RBM33: variants seen among roughly 807,000 people sequenced by gnomAD.
RBM33 encodes RNA-binding protein 33.
Under a neutral mutation model 132.6 loss-of-function variants are expected in RBM33, and 28 were observed. That is an observed-to-expected ratio of 0.21 (90% CI 0.16 to 0.29). The LOEUF (loss-of-function observed/expected upper bound fraction) is 0.29, where lower values mean the gene tolerates loss of function less well. Ranked by LOEUF, RBM33 falls within the 10% of genes least tolerant of loss-of-function variation. The pLI is 1.00. For synonymous variants in RBM33, 634 were observed against 593.0 expected (o/e 1.07, Z -1.01); for missense variants, 1,291 against 1,518.5 (o/e 0.85, Z 2.49).
At chr7:155,701,984 C>T (rs1051185012) in intron 6 of RBM33, among the ~76,000 whole-genome samples, 3 of 152,140 alleles carry the variant, frequency 2.0e-5, no homozygotes, top group East Asian at 3.9e-4. Flanking sequence ...CCGCTCTTGG[C>T]CTAGAAAGTT....
At chr7:155,729,981 G>A (rs185691474) in intron 9 of RBM33, among the ~76,000 whole-genome samples, 5 of 152,264 alleles carry the variant, frequency 3.3e-5, no homozygotes, top group African/African-American at 1.2e-4. Flanking sequence ...CTCTCCCTGT[G>A]CTTTGTGGGC....
intron 9 of RBM33, 50 bp from the exon 10 acceptor site, chr7:155,737,480 C>A: frequency 6.6e-7 from 1 of 1,512,914 alleles, no homozygotes; most frequent in Non-Finnish European, 8.8e-7. Flanking sequence ...AATTACATAC[C>A]ATTTTTCTGT....
chr7:155,780,293 C>G lies in RBM33; in HGVS notation c.*5252C>G, dbSNP rs150832811. ...CGAAGGAGCAAAAAAAGCCACCGCT[C>G]GTTTCTATAATCCAGCTTTGCTTTT... On this transcript the variant is annotated 3_prime_UTR_variant, in exon 18 of 18. Coordinates refer to ENST00000401878, the MANE Select transcript of RBM33 (RefSeq NM_053043.3). 6.6e-6 allele frequency: 1 copy of G among 152,204 alleles called. No individual in the cohort carries two copies. Among genetic ancestry groups the G allele is most frequent in the Non-Finnish European group, 1.5e-5 (1 of 68,052 alleles). The allele number at this position is 152,204 out of a possible 1,614,324, so 9.4% of individuals were successfully genotyped here.
Position 155,769,340 on chromosome 7 carries a change from G to A in RBM33, c.3375+2685G>A, listed in dbSNP as rs955344568. ...TTGCGGGAAAGCACATTAAAGCAGC[G>A]GGAAGAAGGGGAGTGGGCGCACAGC... On this transcript the variant is annotated intron_variant, in intron 16 of 17. Transcript: ENST00000401878. 1.7e-4 allele frequency among the ~76,000 whole-genome samples: 26 copies of A among 152,298 alleles called. 1 individual carries two copies. In the East Asian group the frequency reaches 1.7e-3, roughly 10 times the overall value.
At chr7:155,645,832 G>C (rs1229999037) in intron 1 of RBM33, among the ~76,000 whole-genome samples, 1 of 152,214 alleles carries the variant, frequency 6.6e-6, no homozygotes, top group African/African-American at 2.4e-5. Context: ...GTATTTTTTA[G>C]TAAATGCTAG....
chr7:155,747,379 G>T (rs1392137408), intron 14 of RBM33, among the ~76,000 whole-genome samples: 3 of 152,098 alleles, frequency 2.0e-5, no homozygotes, highest in African/African-American at 7.2e-5. Context: ...GTTGGCCATT[G>T]TTGGGAATTA....
Position 155,671,545 on chromosome 7 carries a change from C to CAT in RBM33, c.123-1317_123-1316dup, listed in dbSNP as rs577263805. Among the ~76,000 whole-genome samples the CAT allele has an allele frequency of 1.4e-3, 216 of 152,210 alleles. 4 individuals carry two copies. The highest frequency in any genetic ancestry group is 5.0e-3 in the African/African-American group (206 of 41,540). ...AGAAACATGCATTTCATTATAACTC[C>CAT]ATATATGCATTCCCGGAGATTATAG... On this transcript the variant is annotated intron_variant, in intron 2 of 17. Transcript: ENST00000401878.
Position 155,711,297 on chromosome 7 carries a change from A to G in RBM33, c.1043A>G (p.Gln348Arg), listed in dbSNP as rs765869077. The change falls in exon 8 of 18, where the codon CAG becomes CGG. Residue 348 changes from glutamine to arginine, a missense_variant. Gln to Arg is a conservative substitution (Grantham distance 43, BLOSUM62 1). Coordinates refer to ENST00000401878, the MANE Select transcript of RBM33 (RefSeq NM_053043.3). Reference protein sequence around the residue: ...PQPLQPLLPVQHPHHPSPPQG... With the variant: ...PQPLQPLLPVRHPHHPSPPQG... Reference sequence around the variant, plus strand: ...CCGCTGCAGCCGCTGCTTCCGGTGCAGCACCCGCACCACCCATCCCCGCCT... The same window carrying G: ...CCGCTGCAGCCGCTGCTTCCGGTGCGGCACCCGCACCACCCATCCCCGCCT... The G allele has an allele frequency of 1.9e-6, 3 of 1,607,634 alleles. No individual in the cohort carries two copies. The highest frequency in any genetic ancestry group is 1.3e-5 in the African/African-American group (1 of 74,662).
At chr7:155,767,734 G>A (rs921581593) in intron 16 of RBM33, among the ~76,000 whole-genome samples, 3 of 152,198 alleles carry the variant, frequency 2.0e-5, no homozygotes, top group Admixed American at 6.5e-5. Flanking sequence ...GCTTCTGTTT[G>A]TGATAGAGCG....
intron 14 of RBM33, among the ~76,000 whole-genome samples, chr7:155,751,604 G>C (rs1801687063): frequency 6.6e-6 from 1 of 152,158 alleles, no homozygotes; most frequent in African/African-American, 2.4e-5. Flanking sequence ...GATTCATCCT[G>C]ATCGGTTTCA....
At chr7:155,737,243 C>CACAT (rs1801154159) in intron 9 of RBM33, among the ~76,000 whole-genome samples, 1 of 129,992 alleles carries the variant, frequency 7.7e-6, no homozygotes, top group South Asian at 2.3e-4. Flanking sequence ...CATCTAGGTG[C>CACAT]GCGTGTGTGT....
chr7:155,679,710 A>G (rs998677791), intron 4 of RBM33, among the ~76,000 whole-genome samples: 1 of 152,190 alleles, frequency 6.6e-6, no homozygotes, highest in Non-Finnish European at 1.5e-5. Context: ...TCCCAATTCC[A>G]TTCTTTGACA....
intron 1 of RBM33, among the ~76,000 whole-genome samples, chr7:155,658,491 G>A (rs528816018): frequency 7.5e-4 from 112 of 148,456 alleles, no homozygotes; most frequent in East Asian, 3.0e-3. Context: ...TGCAACCTCC[G>A]CGGGGTTCAA....
Position 155,738,077 on chromosome 7 carries a change from T to A in RBM33, c.1411T>A (p.Phe471Ile), listed in dbSNP as rs1473643380. The stretch of plus-strand genomic sequence containing the variant: ...CCTTTCAGTTTCAGGTGAACCAAGA[T>A]TCCCGAGCCATCTTTTTCTGGAACA... The part of the protein sequence containing the change: ...FFLGVSGEPR[F>I]PSHLFLEQRS... Residue 471 changes from phenylalanine to isoleucine, a missense_variant, in exon 11 of 18, where the codon TTC (phenylalanine) becomes ATC (isoleucine). By Grantham distance (21) the Phe-to-Ile change is conservative. Coordinates refer to ENST00000401878, the MANE Select transcript of RBM33 (RefSeq NM_053043.3). The A allele has an allele frequency of 6.2e-7, 1 of 1,612,990 alleles. No homozygotes were observed. The highest frequency in any genetic ancestry group is 8.5e-7 in the Non-Finnish European group (1 of 1,179,296).
rs1802732085 is a variant in RBM33 at position 155,779,293 on chromosome 7, A to C, written c.*4252A>C. On this transcript the variant is annotated 3_prime_UTR_variant, in exon 18 of 18. Coordinates refer to ENST00000401878, the MANE Select transcript of RBM33 (RefSeq NM_053043.3). ...GTTTTTCAAAAAATTAGAGGTGACG[A>C]TTCTACCAGGGAGTTGACTGATAGG... 2 of 151,822 alleles carry C rather than the reference A, an allele frequency of 1.3e-5. No individual in the cohort carries two copies. Among genetic ancestry groups the C allele is most frequent in the South Asian group, 4.2e-4 (2 of 4,800 alleles). 9.4% of individuals were successfully genotyped at this position (151,822 alleles called of 1,614,324 possible).
chr7:155,724,990 T>TTGTGTGTGTGTGTGTGTG (rs56739117), intron 9 of RBM33, among the ~76,000 whole-genome samples: 1 of 123,290 alleles, frequency 8.1e-6, no homozygotes, highest in Non-Finnish European at 1.7e-5. Context: ...GTGTACAGGT[T>TTGTGTGTGTGTGTGTGTG]TGTGTGTGTG....
intron 1 of RBM33, among the ~76,000 whole-genome samples, chr7:155,647,504 A>C (rs1362787577): frequency 6.6e-6 from 1 of 151,958 alleles, no homozygotes; most frequent in African/African-American, 2.4e-5. Flanking sequence ...AATCATGGCT[A>C]ATTGCAGCCT....
chr7:155,663,574 A>G (rs906668920), intron 1 of RBM33, among the ~76,000 whole-genome samples: 3 of 152,128 alleles, frequency 2.0e-5, no homozygotes, highest in Admixed American at 6.5e-5. Context: ...CGGGACCCCA[A>G]CGCCTCCCAC....
chr7:155,674,921 T>C (rs955439187), intron 3 of RBM33, among the ~76,000 whole-genome samples: 1 of 152,192 alleles, frequency 6.6e-6, no homozygotes, highest in African/African-American at 2.4e-5. Flanking sequence ...ATTGAAAATA[T>C]ATAAAAAAAG....
Sources: allele counts gnomAD v4.1 joint callset (sites outside exome capture counted in the v4.1 genomes callset), GRCh38; gene constraint gnomAD v4.1.1; transcripts MANE v1.5; gene names NCBI Gene and HGNC (gene_info 2026-07-23, HGNC 2026-07-21).